The following MMP15 variants were observed in gnomAD, a reference collection of about 807,000 sequenced individuals.
The protein encoded by MMP15 is matrix metallopeptidase 15, also known as matrix metalloproteinase-15.
A neutral mutation model predicts 65.0 loss-of-function variants in MMP15; 36 were observed. That is an observed-to-expected ratio of 0.55 (90% CI 0.42 to 0.73). MMP15 has a LOEUF of 0.73. MMP15 is among the 30% of genes least tolerant of loss of function. The pLI, the probability that MMP15 is intolerant of heterozygous loss-of-function variation, is 0.00. For synonymous variants in MMP15, 428 were observed against 410.2 expected (o/e 1.04, Z -0.52); for missense variants, 870 against 987.8 (o/e 0.88, Z 1.60).
At chr16:58,043,032 AGT>A in intron 7 of MMP15, among the ~76,000 whole-genome samples, 176 bp from the exon 8 acceptor site, 2 of 152,240 alleles carry the variant, frequency 1.3e-5, no homozygotes, top group Middle Eastern at 3.4e-3. Flanking sequence ...CACGGGAACA[AGT>A]GTGCCTCAGG....
chr16:58,025,798 A>T lies in MMP15; in HGVS notation c.-553A>T, dbSNP rs1469172536. The T allele has an allele frequency of 6.6e-6, 1 of 150,928 alleles. No individual in the cohort carries two copies. Among genetic ancestry groups the T allele is most frequent in the Non-Finnish European group, 1.5e-5 (1 of 67,726 alleles). The allele number at this position is 150,928 out of a possible 1,614,324, so 9.3% of individuals were successfully genotyped here. On this transcript the variant is annotated 5_prime_UTR_variant, in exon 1 of 10. Coordinates refer to ENST00000219271, the MANE Select transcript of MMP15 (RefSeq NM_002428.4). ...CGGAGCCGCGCTGAACTCGCCGGGG[A>T]CGTCGGGCGCCCGCTCCTTGGCTGG...
At position 58,031,853 on chromosome 16, in the gene MMP15, CTTTTTTTTTTTTTTT is replaced by C. The variant is rs749779284; in HGVS notation, c.162+5358_162+5372del. ...CAAGGAGGACCTGGCTCGATGCCGC[CTTTTTTTTTTTTTTT>C]TTTTTTTTTTTTTTTTGAGACAGAG... On this transcript the variant is annotated intron_variant, in intron 1 of 9. Transcript: ENST00000219271. 3.8e-4 allele frequency among the ~76,000 whole-genome samples: 22 copies of C among 57,750 alleles called. 2 individuals carry two copies. The highest frequency in any genetic ancestry group is 2.4e-3 in the East Asian group (4 of 1,692). The allele number at this position is 57,750 out of a possible 152,430, so 37.9% of individuals were successfully genotyped here.
At position 58,045,031 on chromosome 16, in the gene MMP15, C is replaced by G; in HGVS notation, c.1595C>G (p.Thr532Ser). The G allele has an allele frequency of 3.7e-6, 6 of 1,613,448 alleles. No homozygotes were observed. The highest frequency in any genetic ancestry group is 5.1e-6 in the Non-Finnish European group (6 of 1,180,004). ...DAAYTYFYKG[T>S]KYWKFDNERL... is the part of the protein sequence containing the mutation. ...GCCTACACCTACTTCTACAAGGGCA[C>G]CAAATACTGGAAATTCGACAATGAG... Residue 532 changes from threonine to serine, a missense_variant, in exon 10 of 10, where the codon ACC (threonine) becomes AGC (serine). Coordinates refer to ENST00000219271, the MANE Select transcript of MMP15 (RefSeq NM_002428.4).
At chr16:58,043,391 A>G in intron 8 of MMP15, 31 bp downstream of exon 8, 4 of 1,596,488 alleles carry the variant, frequency 2.5e-6, no homozygotes, top group Non-Finnish European at 3.4e-6. Context: ...CTAAGGGGAG[A>G]AGGCCCCATC....
chr16:58,027,677 C>T (rs948126402), intron 1 of MMP15, among the ~76,000 whole-genome samples: 3 of 152,188 alleles, frequency 2.0e-5, no homozygotes, highest in Non-Finnish European at 2.9e-5. Context: ...TGCCCTTCCC[C>T]GCCCTACTTT....
intron 1 of MMP15, among the ~76,000 whole-genome samples, chr16:58,034,955 G>A (rs577243740): frequency 9.0e-4 from 122 of 135,644 alleles, no homozygotes; most frequent in Middle Eastern, 7.2e-3. Flanking sequence ...CTGTCGCTCC[G>A]CAGATACCGC....
chr16:58,035,633 G>A (rs1043388026), intron 1 of MMP15, among the ~76,000 whole-genome samples: 1 of 152,192 alleles, frequency 6.6e-6, no homozygotes, highest in East Asian at 1.9e-4. Context: ...ACTGATGACC[G>A]ACAGAGATAA....
chr16:58,046,304 C>T lies in MMP15; in HGVS notation c.*858C>T, dbSNP rs1959564528. The T allele has an allele frequency of 6.5e-6, 1 of 153,000 alleles. No individual in the cohort carries two copies. Among genetic ancestry groups the T allele is most frequent in the South Asian group, 2.1e-4 (1 of 4,840 alleles). 9.5% of individuals were successfully genotyped at this position (153,000 alleles called of 1,614,324 possible). On this transcript the variant is annotated 3_prime_UTR_variant, in exon 10 of 10. Coordinates refer to ENST00000219271, the MANE Select transcript of MMP15 (RefSeq NM_002428.4). Reference sequence around the variant, plus strand: ...CTAGCCTCAGGGGTCTGAGCTCCAGCTCCTTTGGGCTTCAGCTGCCAGTGT... The same window carrying T: ...CTAGCCTCAGGGGTCTGAGCTCCAGTTCCTTTGGGCTTCAGCTGCCAGTGT...
chr16:58,039,603 T>C (rs1490342355), intron 3 of MMP15, among the ~76,000 whole-genome samples: 1 of 152,254 alleles, frequency 6.6e-6, no homozygotes, highest in South Asian at 2.1e-4. Context: ...TTTCTAGGTC[T>C]TTCCCCCAGC....
chr16:58,042,965 A>C (rs1372241859), intron 7 of MMP15, among the ~76,000 whole-genome samples: 2 of 152,148 alleles, frequency 1.3e-5, no homozygotes, highest in East Asian at 3.9e-4. Flanking sequence ...GTGCACATGG[A>C]AGCGAGGGCT....
At chr16:58,037,340 C>G (rs1425284330) in intron 1 of MMP15, 132 bp from the exon 2 acceptor site, 3 of 1,187,884 alleles carry the variant, frequency 2.5e-6, no homozygotes, top group Admixed American at 4.3e-5. Context: ...CACACGGTCA[C>G]CTGGGCAGGA....
rs534880302 is a variant in MMP15, at chr16:58,034,396, T to A, written c.163-3076T>A. 2.0e-5 allele frequency among the ~76,000 whole-genome samples: 3 copies of A among 151,746 alleles called. No homozygotes were observed. In the South Asian group the frequency reaches 6.3e-4, roughly 32 times the overall value. ...CCCTGCTGTCTCTTCCCTCCTGTGT[T>A]CCCCTGAGCTTGTCCCACTTAGTGT... On this transcript the variant is annotated intron_variant, in intron 1 of 9. Coordinates refer to ENST00000219271, the MANE Select transcript of MMP15 (RefSeq NM_002428.4).
Position 58,046,661 on chromosome 16 carries a change from C to T in MMP15, c.*1215C>T, listed in dbSNP as rs1001864687. On this transcript the variant is annotated 3_prime_UTR_variant, in exon 10 of 10. Transcript: ENST00000219271. ...GTACTGTACAGCTGGCTCTACTTCC[C>T]CATGGCCCTGAGCGAGTGGAGTCTG... The T allele has an allele frequency of 6.5e-6, 1 of 152,700 alleles. No homozygotes were observed. Among genetic ancestry groups the T allele is most frequent in the Non-Finnish European group, 1.5e-5 (1 of 68,088 alleles). The allele number at this position is 152,700 out of a possible 1,614,324, so 9.5% of individuals were successfully genotyped here. A position where few individuals can be genotyped will look rare whatever the true frequency, so the allele number is the denominator to read the frequency against.
Position 58,026,235 on chromosome 16 carries a change from G to A in MMP15, c.-116G>A. On this transcript the variant is annotated 5_prime_UTR_variant, in exon 1 of 10. Coordinates refer to ENST00000219271, the MANE Select transcript of MMP15 (RefSeq NM_002428.4). The stretch of plus-strand genomic sequence containing the variant: ...CCTAGGCGGCTCCGGCGGGGACCGG[G>A]AGCCCGAGGTCCGCGGCGCGCCTGC... The A allele has an allele frequency of 2.6e-6, 3 of 1,149,668 alleles. No individual in the cohort carries two copies. The highest frequency in any genetic ancestry group is 2.2e-6 in the Non-Finnish European group (2 of 912,270). The allele number at this position is 1,149,668 out of a possible 1,614,324, so 71.2% of individuals were successfully genotyped here. A position where few individuals can be genotyped will look rare whatever the true frequency, so the allele number is the denominator to read the frequency against.
chr16:58,029,944 C>G (rs1963873004), intron 1 of MMP15, among the ~76,000 whole-genome samples: 1 of 152,142 alleles, frequency 6.6e-6, no homozygotes. Context: ...CCCTCTGTGG[C>G]CCTTTTGTTG....
rs771141615 is a variant in MMP15 at position 58,041,627 on chromosome 16, C to T, written c.921C>T (p.Asp307=). 1.9e-5 allele frequency: 30 copies of T among 1,573,984 alleles called. No homozygotes were observed. Among genetic ancestry groups the T allele is most frequent in the Non-Finnish European group, 2.5e-5 (29 of 1,161,078 alleles). ...RGIQQLYGTP[D]GQPQPTQPLP... is the part of the protein sequence containing the mutation. ...CCTGCCTCTCTGCAGGTACCCCAGACGGTCAGCCACAGCCTACCCAGCCTC... is the reference window on the plus strand; with the variant it reads ...CCTGCCTCTCTGCAGGTACCCCAGATGGTCAGCCACAGCCTACCCAGCCTC... Residue 307 remains aspartate (D), a synonymous_variant, in exon 6 of 10, where the codon GAC becomes GAT. Transcript: ENST00000219271.
intron 2 of MMP15, among the ~76,000 whole-genome samples, 191 bp from the exon 3 acceptor site, chr16:58,038,075 C>T (rs956092010): frequency 1.3e-5 from 2 of 152,254 alleles, no homozygotes; most frequent in African/African-American, 2.4e-5. Context: ...CTGAACCACT[C>T]CTGGGCACTC....
At position 58,040,237 on chromosome 16, in the gene MMP15, A is replaced by G. The variant is rs570753715; in HGVS notation, c.748+55A>G. On this transcript the variant is annotated intron_variant, in intron 4 of 9. Transcript: ENST00000219271. Reference sequence around the variant, plus strand: ...GGGCAGGTGGCCCCGGAGCTGGGCAACAACACCCTGCTGAGTGGGTTCAGC... The same window carrying G: ...GGGCAGGTGGCCCCGGAGCTGGGCAGCAACACCCTGCTGAGTGGGTTCAGC... 2.2e-5 allele frequency: 34 copies of G among 1,545,802 alleles called. No individual in the cohort carries two copies. In the East Asian group the frequency reaches 7.5e-4, roughly 34 times the overall value.
chr16:58,029,333 T>A (rs940025603), intron 1 of MMP15, among the ~76,000 whole-genome samples: 13 of 152,340 alleles, frequency 8.5e-5, no homozygotes, highest in Admixed American at 5.9e-4. Flanking sequence ...CCTCTTTCTT[T>A]TAAACAGAGC....
Sources: allele counts gnomAD v4.1 joint callset (sites outside exome capture counted in the v4.1 genomes callset), GRCh38; gene constraint gnomAD v4.1.1; transcripts MANE v1.5; gene names NCBI Gene and HGNC (gene_info 2026-07-23, HGNC 2026-07-21).